The following REV3L variants were observed in gnomAD, a reference collection of about 807,000 sequenced individuals.
REV3L encodes the protein DNA polymerase zeta catalytic subunit.
A neutral mutation model predicts 299.4 loss-of-function variants in REV3L; 69 were observed. That is an observed-to-expected ratio of 0.23 (90% CI 0.19 to 0.28). The LOEUF is 0.28. REV3L is among the 10% of genes least tolerant of loss of function. The probability of loss-of-function intolerance (pLI) is 1.00; values close to 1 mark genes in which losing one functional copy is unlikely to be tolerated. For missense variants in REV3L, 3,128 were observed against 3,693.8 expected (o/e 0.85, Z 3.97); for synonymous variants, 1,238 against 1,271.4 (o/e 0.97, Z 0.56).
chr6:111,318,469 A>C (rs1274842921), intron 26 of REV3L, among the ~76,000 whole-genome samples: 1 of 152,120 alleles, frequency 6.6e-6, no homozygotes, highest in Non-Finnish European at 1.5e-5. Context: ...GAGTGGAATC[A>C]CTGGGTCATA....
intron 10 of REV3L, 39 bp from the exon 11 acceptor site, chr6:111,380,258 TC>T (rs1562223931): frequency 6.9e-7 from 1 of 1,459,016 alleles, no homozygotes; most frequent in Non-Finnish European, 9.5e-7. Flanking sequence ...AAATAAGTTT[TC>T]TTTTTTTTTT....
intron 21 of REV3L, 81 bp downstream of exon 21, chr6:111,343,844 T>G: frequency 4.8e-6 from 5 of 1,040,862 alleles, no homozygotes; most frequent in Non-Finnish European, 7.0e-6. Flanking sequence ...CAATACACTT[T>G]AAATGTGTGC....
intron 20 of REV3L, among the ~76,000 whole-genome samples, chr6:111,344,480 C>A (rs1473703574): frequency 6.6e-6 from 1 of 152,066 alleles, no homozygotes; most frequent in East Asian, 1.9e-4. Context: ...GGCAGGCATT[C>A]TCCTCCCAAT....
intron 2 of REV3L, among the ~76,000 whole-genome samples, chr6:111,414,068 G>C (rs1784524228): frequency 6.6e-6 from 1 of 151,904 alleles, no homozygotes; most frequent in Non-Finnish European, 1.5e-5. Context: ...CTAGCATGCA[G>C]TTTACATGCT....
intron 1 of REV3L, among the ~76,000 whole-genome samples, chr6:111,476,967 T>TA (rs943764008): frequency 1.3e-5 from 2 of 152,200 alleles, no homozygotes; most frequent in Admixed American, 6.5e-5. Flanking sequence ...ATGTTATCTG[T>TA]AAAAAATCTG....
chr6:111,395,551 TA>T (rs1430932373), intron 4 of REV3L, among the ~76,000 whole-genome samples: 6 of 151,796 alleles, frequency 4.0e-5, no homozygotes, highest in African/African-American at 7.3e-5. Flanking sequence ...TTGTGGGTTT[TA>T]AAAAAAAATC....
At chr6:111,421,822 A>G (rs1233394146) in intron 1 of REV3L, among the ~76,000 whole-genome samples, 3 of 152,164 alleles carry the variant, frequency 2.0e-5, no homozygotes, top group Non-Finnish European at 4.4e-5. Flanking sequence ...ACGTTTACAA[A>G]AATTTTCATA....
chr6:111,389,353 C>G, intron 6 of REV3L, 143 bp from the exon 7 acceptor site: 1 of 644,088 alleles, frequency 1.6e-6, no homozygotes, highest in South Asian at 2.0e-5. Context: ...TCCCAACCTA[C>G]ACTTACTATG....
At chr6:111,424,762 A>G (rs977595003) in intron 1 of REV3L, among the ~76,000 whole-genome samples, 1 of 152,228 alleles carries the variant, frequency 6.6e-6, no homozygotes, top group African/African-American at 2.4e-5. Flanking sequence ...TTTGATTTGA[A>G]GAAGGGCTCA....
chr6:111,368,112 C>T (rs1779411931), intron 13 of REV3L, 84 bp from the exon 14 acceptor site: 1 of 1,192,346 alleles, frequency 8.4e-7, no homozygotes, highest in East Asian at 2.5e-5. Flanking sequence ...GATAAAGTCC[C>T]TTTTGGAGTC....
At chr6:111,404,900 G>C (rs1171989017) in intron 4 of REV3L, among the ~76,000 whole-genome samples, 1 of 152,070 alleles carries the variant, frequency 6.6e-6, no homozygotes, top group African/African-American at 2.4e-5. Context: ...AATGGACAAG[G>C]ATGTTCAGTG....
At chr6:111,357,807 A>G (rs901005114) in intron 17 of REV3L, among the ~76,000 whole-genome samples, 1 of 152,216 alleles carries the variant, frequency 6.6e-6, no homozygotes, top group Non-Finnish European at 1.5e-5. Flanking sequence ...AATCTCTGGT[A>G]TGATGAAAAT....
At chr6:111,329,875 T>C in intron 24 of REV3L, 137 bp from the exon 25 acceptor site, 1 of 655,346 alleles carries the variant, frequency 1.5e-6, no homozygotes, top group Non-Finnish European at 2.6e-6. Context: ...ATAGTATTAG[T>C]GGCCGTCAAT....
chr6:111,427,754 T>C (rs1259209984), intron 1 of REV3L, among the ~76,000 whole-genome samples: 1 of 152,188 alleles, frequency 6.6e-6, no homozygotes, highest in Non-Finnish European at 1.5e-5. Context: ...GACCTATCCC[T>C]GTCCTAATAA....
At chr6:111,416,153 C>T (rs1429214454) in intron 2 of REV3L, 130 bp downstream of exon 2, 17 of 551,812 alleles carry the variant, frequency 3.1e-5, no homozygotes, top group South Asian at 7.2e-5. Context: ...TAAAAAGTTA[C>T]AGCAAGGAAT....
Position 111,367,689 on chromosome 6 carries a change from A to G in REV3L, c.6099T>C (p.Ser2033=). Residue 2033 remains serine, a synonymous_variant, in exon 14 of 32, where the codon TCT becomes TCC. Transcript: ENST00000368802. ...PKTKPTGVVK[S]AENFSSSVNP... ...TAACTGAAGAGCTAAAGTTCTCAGC[A>G]GATTTTACAACTCCAGTTGGCTTGG... 1 of 1,614,198 alleles carries G rather than the reference A, an allele frequency of 6.2e-7. No individual in the cohort carries two copies. The highest frequency in any genetic ancestry group is 8.5e-7 in the Non-Finnish European group (1 of 1,180,024).
chr6:111,408,602 AAAAACAAAAC>A (rs75742786), intron 3 of REV3L, among the ~76,000 whole-genome samples: 52,880 of 147,928 alleles, frequency 0.36, 12,342 homozygotes, highest in African/African-American at 0.67. Context: ...ACTCCATCTT[AAAAACAAAAC>A]AAAACAAAAC....
chr6:111,329,871 T>C (rs1775214335), intron 24 of REV3L, 133 bp from the exon 25 acceptor site: 1 of 662,502 alleles, frequency 1.5e-6, no homozygotes, highest in Admixed American at 2.7e-5. Flanking sequence ...GACCATAGTA[T>C]TAGTGGCCGT....
intron 24 of REV3L, chr6:111,330,159 A>C (rs1775244431): frequency 2.7e-6 from 1 of 371,626 alleles, no homozygotes; most frequent in Non-Finnish European, 5.5e-6. Flanking sequence ...CCCACACAGA[A>C]ATCTGCATGG....
Sources: gnomAD v4.1 joint callset for allele counts (sites outside exome capture counted in the v4.1 genomes callset) on GRCh38, gnomAD v4.1.1 for gene constraint, MANE v1.5 for transcripts, NCBI Gene and HGNC (gene_info 2026-07-23, HGNC 2026-07-21) for gene names.